NBAS: variants seen among roughly 807,000 people sequenced by gnomAD.
NBAS encodes the protein NBAS subunit of NRZ tethering complex, also known as NAG/BC035112 fusion.
In NBAS, 219 loss-of-function variants were observed where a neutral mutation model predicts 302.5. That is an observed-to-expected ratio of 0.72 (90% CI 0.65 to 0.81). The LOEUF (loss-of-function observed/expected upper bound fraction) is 0.81. Ranked by LOEUF, NBAS falls within the 30% of genes least tolerant of loss-of-function variation. NBAS has a pLI of 0.00. For synonymous variants in NBAS, 1,118 were observed against 1,021.6 expected (o/e 1.09, Z -1.80); for missense variants, 2,932 against 2,841.6 (o/e 1.03, Z -0.72).
At chr2:15,004,419 A>C in the NBAS span, among the ~76,000 whole-genome samples, 3 of 152,298 alleles carry the variant, frequency 2.0e-5, no homozygotes, top group South Asian at 6.2e-4. Flanking sequence ...TATTTGTTTC[A>C]ACATTGTACA....
the NBAS span, among the ~76,000 whole-genome samples, chr2:15,042,828 C>T: frequency 1.3e-5 from 2 of 152,212 alleles, no homozygotes; most frequent in Admixed American, 6.5e-5. Flanking sequence ...CAGCCCATGA[C>T]TTAAACCAGA....
At chr2:15,011,544 T>G in the NBAS span, among the ~76,000 whole-genome samples, 1 of 152,110 alleles carries the variant, frequency 6.6e-6, no homozygotes, top group Non-Finnish European at 1.5e-5. Flanking sequence ...ACCCATATCC[T>G]GGGCCTGAGA....
chr2:15,521,723 T>C (rs1345682277), intron 9 of NBAS, among the ~76,000 whole-genome samples: 1 of 152,164 alleles, frequency 6.6e-6, no homozygotes, highest in East Asian at 1.9e-4. Context: ...CAATGACATT[T>C]TGAGATATAC....
At chr2:15,302,495 T>C (rs770560667) in intron 40 of NBAS, among the ~76,000 whole-genome samples, 10 of 152,098 alleles carry the variant, frequency 6.6e-5, no homozygotes, top group Non-Finnish European at 1.3e-4. Flanking sequence ...GAACAGCGGC[T>C]ACCCTATGTT....
At chr2:15,229,340 C>CAAA (rs1331577908) in intron 47 of NBAS, among the ~76,000 whole-genome samples, 1 of 9,732 alleles carries the variant, frequency 1.0e-4, no homozygotes, top group African/African-American at 3.9e-4. Context: ...GACTCTGTCT[C>CAAA]AAAAAACAAA....
the NBAS span, among the ~76,000 whole-genome samples, chr2:14,874,873 A>T: frequency 6.6e-6 from 1 of 152,052 alleles, no homozygotes; most frequent in African/African-American, 2.4e-5. Flanking sequence ...AATATCATTC[A>T]CTCTACTAAG....
At chr2:15,480,005 C>T (rs1256214864) in intron 12 of NBAS, among the ~76,000 whole-genome samples, 1 of 152,166 alleles carries the variant, frequency 6.6e-6, no homozygotes, top group Non-Finnish European at 1.5e-5. Context: ...TAGTACTAGG[C>T]TTCCTACACA....
the NBAS span, among the ~76,000 whole-genome samples, chr2:14,932,437 A>G: frequency 6.6e-6 from 1 of 152,212 alleles, no homozygotes; most frequent in Non-Finnish European, 1.5e-5. Flanking sequence ...TTCTTATTTT[A>G]TAGATGAGGA....
At chr2:15,436,167 A>G (rs1678004028) in intron 21 of NBAS, among the ~76,000 whole-genome samples, 2 of 152,250 alleles carry the variant, frequency 1.3e-5, no homozygotes, top group Non-Finnish European at 2.9e-5. Context: ...AAGAACTAGA[A>G]AGACAAGATC....
the NBAS span, among the ~76,000 whole-genome samples, chr2:15,108,450 C>G: frequency 1.3e-5 from 2 of 152,072 alleles, no homozygotes; most frequent in Non-Finnish European, 2.9e-5. Context: ...ACCATACCAT[C>G]TTGCTTTCCT....
chr2:15,518,161 T>C (rs1662493105), intron 9 of NBAS, among the ~76,000 whole-genome samples: 1 of 150,876 alleles, frequency 6.6e-6, no homozygotes, highest in Admixed American at 6.6e-5. Context: ...GAATTGGCTT[T>C]AACACGTTGC....
At chr2:14,831,784 A>G in the NBAS span, among the ~76,000 whole-genome samples, 1 of 152,174 alleles carries the variant, frequency 6.6e-6, no homozygotes, top group African/African-American at 2.4e-5. Context: ...TAACATGAAG[A>G]TAATACCAAT....
chr2:15,074,110 C>G, the NBAS span, among the ~76,000 whole-genome samples: 1 of 152,026 alleles, frequency 6.6e-6, no homozygotes, highest in Non-Finnish European at 1.5e-5. Flanking sequence ...CAGGAATAGA[C>G]AGAGCAACAG....
intron 48 of NBAS, among the ~76,000 whole-genome samples, chr2:15,213,806 G>A (rs553732129): frequency 6.6e-6 from 1 of 152,276 alleles, no homozygotes; most frequent in East Asian, 1.9e-4. Flanking sequence ...TGTTCATAAA[G>A]AGAAACTCTC....
At chr2:15,064,874 C>T in the NBAS span, among the ~76,000 whole-genome samples, 30 of 152,166 alleles carry the variant, frequency 2.0e-4, no homozygotes, top group African/African-American at 7.0e-4. Context: ...CTCAACAGCA[C>T]ATTAAAAGGA....
the NBAS span, among the ~76,000 whole-genome samples, chr2:15,014,434 A>G: frequency 1.3e-5 from 2 of 152,154 alleles, no homozygotes; most frequent in Non-Finnish European, 2.9e-5. Context: ...CAAATATCTT[A>G]TCTAACCACA....
At chr2:15,413,172 T>G (rs1676764422) in intron 25 of NBAS, among the ~76,000 whole-genome samples, 1 of 152,248 alleles carries the variant, frequency 6.6e-6, no homozygotes, top group African/African-American at 2.4e-5. Context: ...TCCTACTTCT[T>G]GAATATTGTT....
chr2:14,792,957 A>G, the NBAS span, among the ~76,000 whole-genome samples: 1 of 152,172 alleles, frequency 6.6e-6, no homozygotes, highest in Non-Finnish European at 1.5e-5. Flanking sequence ...GCTTTATAGA[A>G]GTAATTAAGG....
At chr2:14,823,784 A>G in the NBAS span, among the ~76,000 whole-genome samples, 2 of 152,232 alleles carry the variant, frequency 1.3e-5, no homozygotes, top group African/African-American at 2.4e-5. Context: ...TACCATATCA[A>G]CCACCTTTCC....
Sources: allele counts gnomAD v4.1 joint callset (sites outside exome capture counted in the v4.1 genomes callset), GRCh38; gene constraint gnomAD v4.1.1; transcripts MANE v1.5; gene names NCBI Gene and HGNC (gene_info 2026-07-23, HGNC 2026-07-21).